The following CCDC33 variants were observed in gnomAD, a reference collection of about 807,000 sequenced individuals.
The protein encoded by CCDC33 is coiled-coil domain containing 33, also known as coiled-coil domain-containing protein 33.
In CCDC33, 94 loss-of-function variants were observed where a neutral mutation model predicts 91.9. The observed-to-expected ratio is 1.02, with a 90% CI of 0.87 to 1.21. CCDC33 has a LOEUF of 1.21. Ranked by LOEUF, CCDC33 falls within the 50% of genes most tolerant of loss-of-function variation. The probability of loss-of-function intolerance (pLI) is 0.00; values close to 1 mark genes in which losing one functional copy is unlikely to be tolerated. For missense variants in CCDC33, 940 were observed against 935.5 expected (o/e 1.00, Z -0.06); for synonymous variants, 396 against 374.5 (o/e 1.06, Z -0.66).
chr15:74,327,983 G>T (rs2060344871), intron 11 of CCDC33, among the ~76,000 whole-genome samples: 1 of 152,244 alleles, frequency 6.6e-6, no homozygotes, highest in Non-Finnish European at 1.5e-5. Flanking sequence ...CTGTGCTGCA[G>T]TGAGCATCCC....
At chr15:74,315,956 C>G (rs1347900273) in intron 11 of CCDC33, among the ~76,000 whole-genome samples, 1 of 152,148 alleles carries the variant, frequency 6.6e-6, no homozygotes, top group African/African-American at 2.4e-5. Flanking sequence ...CTGCCCTCCT[C>G]TCCCTCCCCA....
chr15:74,245,994 C>A (rs1487795084), intron 2 of CCDC33, among the ~76,000 whole-genome samples: 1 of 152,078 alleles, frequency 6.6e-6, no homozygotes, highest in East Asian at 1.9e-4. Context: ...CACCCCCAGC[C>A]CCAGGCAGAA....
chr15:74,283,831 A>G (rs955563534), intron 10 of CCDC33, among the ~76,000 whole-genome samples: 1 of 92,938 alleles, frequency 1.1e-5, no homozygotes, highest in Non-Finnish European at 2.7e-5. Context: ...CCCTCTACAT[A>G]TACACTCTCA....
exon 1 of CCDC33, chr15:74,217,257 G>A: frequency 8.0e-7 from 1 of 1,251,150 alleles, no homozygotes; most frequent in South Asian, 1.4e-5. Flanking sequence ...CCTGGCAGTT[G>A]GTCTCTCAGT....
chr15:74,206,215 C>A lies in CCDC33; in HGVS notation n.89+3117C>A, dbSNP rs577483076. Among the ~76,000 whole-genome samples, 3 of 152,318 alleles carry A rather than the reference C, an allele frequency of 2.0e-5. No individual in the cohort carries two copies. The South Asian group carries it at 6.2e-4, about 32-fold the overall frequency. On this transcript the variant is annotated intron_variant and non_coding_transcript_variant, in intron 1 of 3. Coordinates refer to the CCDC33 transcript ENST00000558645. ...TGCCCCCATTGCCTCCCACCTGCCCCCTCCTGGCCCCCAGCTGCCCTGCCC... is the reference window on the plus strand; with the variant it reads ...TGCCCCCATTGCCTCCCACCTGCCCACTCCTGGCCCCCAGCTGCCCTGCCC...
chr15:74,318,443 A>C (rs1187056316), intron 11 of CCDC33: 2 of 535,832 alleles, frequency 3.7e-6, no homozygotes, highest in Non-Finnish European at 3.3e-6. Flanking sequence ...CCCCACCCAG[A>C]CACCCCCCAC....
Position 74,331,067 on chromosome 15 carries a change from G to A in CCDC33, c.1632G>A (p.Leu544=). The A allele has an allele frequency of 6.2e-7, 1 of 1,613,666 alleles. No individual in the cohort carries two copies. Among genetic ancestry groups the A allele is most frequent in the Non-Finnish European group, 8.5e-7 (1 of 1,179,750 alleles). The change falls in exon 14 of 19, where the codon CTG becomes CTA. Residue 544 remains leucine, a synonymous_variant. Coordinates refer to ENST00000398814, the MANE Select transcript of CCDC33 (RefSeq NM_025055.5). ...TGCTGAAGCAGTACCAGGGCAAGCT[G>A]CAGAAGATGAAGGCGCTGGAGGAGA... The part of the protein sequence containing the change: ...AALLKQYQGK[L]QKMKALEETV...
At chr15:74,314,514 A>G (rs2060053947) in intron 11 of CCDC33, among the ~76,000 whole-genome samples, 2 of 152,124 alleles carry the variant, frequency 1.3e-5, no homozygotes, top group Non-Finnish European at 2.9e-5. Context: ...CAAAATGCAA[A>G]CACACATTTC....
At chr15:74,335,147 GCACCCC>G in intron 18 of CCDC33, 59 bp downstream of exon 18, 1 of 1,330,916 alleles carries the variant, frequency 7.5e-7, no homozygotes, top group Non-Finnish European at 1.1e-6. Context: ...GGAAGCCACC[GCACCCC>G]CAAAGTCACT....
intron 18 of CCDC33, 41 bp from the exon 19 acceptor site, chr15:74,335,884 G>A (rs1353067473): frequency 6.1e-6 from 9 of 1,485,338 alleles, no homozygotes; most frequent in Admixed American, 1.7e-5. Flanking sequence ...TCACCCCCTG[G>A]GAATGGGGGG....
intron 11 of CCDC33, chr15:74,304,262 G>C (rs1384903535): frequency 6.6e-6 from 1 of 152,222 alleles, no homozygotes; most frequent in Non-Finnish European, 1.5e-5. Context: ...GTAAAGGGCT[G>C]TCCACTTTGC....
chr15:74,287,951 T>C (rs965634921), intron 10 of CCDC33, among the ~76,000 whole-genome samples: 3 of 152,160 alleles, frequency 2.0e-5, no homozygotes, highest in African/African-American at 7.2e-5. Context: ...CGGAGGCTCC[T>C]ACCTGCTTTC....
chr15:74,325,788 G>A (rs1002903312), intron 11 of CCDC33, among the ~76,000 whole-genome samples: 2 of 152,052 alleles, frequency 1.3e-5, no homozygotes, highest in East Asian at 1.9e-4. Flanking sequence ...ATTTTTTTGC[G>A]GGGGGTGGGT....
At chr15:74,223,779 CA>C (rs1272985412) in intron 2 of CCDC33, among the ~76,000 whole-genome samples, 1 of 150,394 alleles carries the variant, frequency 6.6e-6, no homozygotes, top group East Asian at 1.9e-4. Flanking sequence ...AGCATGCACA[CA>C]CACACACACA....
intron 11 of CCDC33, among the ~76,000 whole-genome samples, chr15:74,318,891 A>T (rs1286130207): frequency 6.6e-6 from 1 of 152,158 alleles, no homozygotes; most frequent in African/African-American, 2.4e-5. Flanking sequence ...TAATCCAGAG[A>T]GGGAGGACAG....
At chr15:74,211,978 G>C (rs1381924923) in intron 2 of CCDC33, 1 of 152,442 alleles carries the variant, frequency 6.6e-6, no homozygotes, top group Non-Finnish European at 1.5e-5. Flanking sequence ...CCCCAGTCTG[G>C]CTGTGAAGTT....
chr15:74,229,322 GTC>G (rs935314294), intron 2 of CCDC33, among the ~76,000 whole-genome samples: 45 of 152,122 alleles, frequency 3.0e-4, no homozygotes, highest in African/African-American at 9.4e-4. Context: ...GTGAAACCCA[GTC>G]TCTACTAAAA....
intron 2 of CCDC33, among the ~76,000 whole-genome samples, chr15:74,230,292 T>C (rs2074929258): frequency 6.6e-6 from 1 of 152,118 alleles, no homozygotes; most frequent in African/African-American, 2.4e-5. Flanking sequence ...GTTGAGCCTA[T>C]TGTCCCCACC....
chr15:74,329,620 G>A (rs1596135942), intron 11 of CCDC33, among the ~76,000 whole-genome samples: 1 of 152,250 alleles, frequency 6.6e-6, no homozygotes, highest in Non-Finnish European at 1.5e-5. Flanking sequence ...CCCACATCCT[G>A]TAGCTGGATC....
Sources: allele counts gnomAD v4.1 joint callset (sites outside exome capture counted in the v4.1 genomes callset), GRCh38; gene constraint gnomAD v4.1.1; transcripts MANE v1.5; gene names NCBI Gene and HGNC (gene_info 2026-07-23, HGNC 2026-07-21).